CUX1: variants seen among roughly 807,000 people sequenced by gnomAD.
CUX1 encodes protein CASP.
Under a neutral mutation model 158.8 loss-of-function variants are expected in CUX1, and 31 were observed. That is an observed-to-expected ratio of 0.20 (90% CI 0.15 to 0.26). CUX1 has a LOEUF of 0.26. Ranked by LOEUF, CUX1 falls within the 10% of genes least tolerant of loss-of-function variation. CUX1 has a pLI of 1.00. For missense variants in CUX1, 1,589 were observed against 2,014.6 expected (o/e 0.79, Z 4.04); for synonymous variants, 879 against 862.1 (o/e 1.02, Z -0.34).
chr7:102,234,777 AAAT>A (rs1314469481), intron 22 of CUX1, among the ~76,000 whole-genome samples: 2 of 151,806 alleles, frequency 1.3e-5, no homozygotes, highest in African/African-American at 4.8e-5. Context: ...AAAAAAAAAA[AAAT>A]ATAGCCAAGC....
At chr7:101,844,607 G>C (rs181698711) in intron 1 of CUX1, among the ~76,000 whole-genome samples, 3 of 151,734 alleles carry the variant, frequency 2.0e-5, no homozygotes, top group Non-Finnish European at 4.4e-5. Flanking sequence ...CCTTGTCATC[G>C]TTCTTCTTTT....
At chr7:102,227,341 C>T (rs1458973575) in intron 20 of CUX1, 26 bp from the exon 21 acceptor site, 13 of 1,577,042 alleles carry the variant, frequency 8.2e-6, no homozygotes, top group South Asian at 6.8e-5. Flanking sequence ...TTTTCAGGCA[C>T]GGTTTCTCGT....
At chr7:102,244,046 TA>T (rs782054983) in intron 23 of CUX1, among the ~76,000 whole-genome samples, 7 of 151,322 alleles carry the variant, frequency 4.6e-5, no homozygotes, top group African/African-American at 1.5e-4. Flanking sequence ...AAAATAAAAA[TA>T]AAAAAAGACC....
At chr7:102,269,131 TTTGTTTG>T (rs1791027530) in intron 14 of CUX1, among the ~76,000 whole-genome samples, 1 of 123,392 alleles carries the variant, frequency 8.1e-6, no homozygotes, top group South Asian at 2.3e-4. Flanking sequence ...TGTTTGTTTG[TTTGTTTG>T]TTTGTTTGTT....
intron 3 of CUX1, among the ~76,000 whole-genome samples, chr7:102,043,320 TCA>T (rs1822333052): frequency 7.5e-6 from 1 of 133,894 alleles, no homozygotes; most frequent in Non-Finnish European, 1.6e-5. Flanking sequence ...ACCCATTAGC[TCA>T]CTGTGTGTGT....
chr7:101,996,495 T>C lies in CUX1; in HGVS notation c.142-31603T>C, dbSNP rs1280302857. Reference sequence around the variant, plus strand: ...GTCTCTGCCAAGCCCCATGTGACCATGGAGGGGGCCCCGAGCAGACCTGGG... The same window carrying C: ...GTCTCTGCCAAGCCCCATGTGACCACGGAGGGGGCCCCGAGCAGACCTGGG... On this transcript the variant is annotated intron_variant, in intron 2 of 23. Transcript: ENST00000292535. Among the ~76,000 whole-genome samples, 4 of 152,146 alleles carry C rather than the reference T, an allele frequency of 2.6e-5. No homozygotes were observed. In the South Asian group the frequency reaches 6.2e-4, roughly 24 times the overall value.
intron 8 of CUX1, among the ~76,000 whole-genome samples, chr7:102,155,286 A>G (rs1006672469): frequency 1.3e-5 from 2 of 151,702 alleles, no homozygotes; most frequent in East Asian, 1.9e-4. Flanking sequence ...GCTCATGTCT[A>G]TAGTCGCAGC....
chr7:102,247,538 C>A (rs1800943262), intron 23 of CUX1, among the ~76,000 whole-genome samples: 1 of 152,208 alleles, frequency 6.6e-6, no homozygotes, highest in African/African-American at 2.4e-5. Flanking sequence ...TCGATAAGAA[C>A]CCTGGCCAGA....
chr7:102,112,773 A>G (rs1205116648), intron 7 of CUX1, among the ~76,000 whole-genome samples: 3 of 151,744 alleles, frequency 2.0e-5, no homozygotes, highest in South Asian at 4.2e-4. Flanking sequence ...GTTTCACCAC[A>G]TTGGCCAGTC....
intron 1 of CUX1, chr7:101,913,247 C>T (rs1342323861): frequency 1.9e-5 from 11 of 577,124 alleles, no homozygotes; most frequent in Admixed American, 3.0e-5. Context: ...CTCTCCTCCT[C>T]GCTGTGCCAA....
chr7:102,205,388 A>G (rs1239801762), intron 20 of CUX1, among the ~76,000 whole-genome samples: 1 of 152,170 alleles, frequency 6.6e-6, no homozygotes, highest in Admixed American at 6.5e-5. Flanking sequence ...CAAGATTTGC[A>G]CGCCCACTGT....
At chr7:102,008,796 C>G (rs960840338) in intron 2 of CUX1, among the ~76,000 whole-genome samples, 7 of 152,160 alleles carry the variant, frequency 4.6e-5, no homozygotes, top group Non-Finnish European at 8.8e-5. Flanking sequence ...TTTCAGGAGG[C>G]GAGACCACAG....
intron 1 of CUX1, among the ~76,000 whole-genome samples, chr7:101,864,602 G>A (rs1797766553): frequency 6.6e-6 from 1 of 152,040 alleles, no homozygotes; most frequent in African/African-American, 2.4e-5. Flanking sequence ...CCAGGCTGGG[G>A]TGCAGGGGTG....
intron 12 of CUX1, 74 bp from the exon 13 acceptor site, chr7:102,193,768 C>A: frequency 6.6e-7 from 1 of 1,513,912 alleles, no homozygotes; most frequent in Non-Finnish European, 9.0e-7. Context: ...CGCCACTGCA[C>A]TCTAGCCTGG....
At chr7:101,977,907 G>T (rs1427843490) in intron 2 of CUX1, among the ~76,000 whole-genome samples, 1 of 152,156 alleles carries the variant, frequency 6.6e-6, no homozygotes, top group Non-Finnish European at 1.5e-5. Flanking sequence ...TTATTGAAAA[G>T]TAAAGCATGA....
intron 1 of CUX1, among the ~76,000 whole-genome samples, chr7:101,818,049 C>T (rs1347456993): frequency 6.6e-6 from 1 of 152,066 alleles, no homozygotes; most frequent in African/African-American, 2.4e-5. Context: ...ACGATAAAGC[C>T]GAGTCATAGT....
chr7:101,876,408 A>C (rs1049065519), intron 1 of CUX1, among the ~76,000 whole-genome samples: 3 of 150,616 alleles, frequency 2.0e-5, no homozygotes, highest in African/African-American at 7.3e-5. Flanking sequence ...TATTGAAAAT[A>C]TCTTTCGGCT....
chr7:102,049,137 G>A (rs570191193), intron 3 of CUX1, among the ~76,000 whole-genome samples: 1 of 152,160 alleles, frequency 6.6e-6, no homozygotes, highest in South Asian at 2.1e-4. Context: ...ACACAGTACT[G>A]GGGGCAGGAG....
In CUX1 at chr7:102,111,852, G is replaced by T. The variant is rs797042932; in HGVS notation, c.607+78G>T. 75 of 1,298,788 alleles carry T rather than the reference G, an allele frequency of 5.8e-5. No homozygotes were observed. The African/African-American group carries it at 1.0e-3, about 17-fold the overall frequency. 80.5% of individuals were successfully genotyped at this position (1,298,788 alleles called of 1,614,324 possible). On this transcript the variant is annotated intron_variant, in intron 7 of 23. Transcript: ENST00000292535. ...AGTTGGGTCAGCCCCTGACCGCCCC[G>T]GTCCCCGCGGATACCTGTTGCTCTT... is the stretch of plus-strand genomic sequence containing the variant.
Sources: gnomAD v4.1 joint callset for allele counts (sites outside exome capture counted in the v4.1 genomes callset) on GRCh38, gnomAD v4.1.1 for gene constraint, MANE v1.5 for transcripts, NCBI Gene and HGNC (gene_info 2026-07-23, HGNC 2026-07-21) for gene names.